The following MOB3B variants were observed in gnomAD, a reference collection of about 807,000 sequenced individuals.
MOB3B encodes MOB kinase activator-like 2B.
In MOB3B, 7 loss-of-function variants were observed where a neutral mutation model predicts 18.7. The ratio of observed to expected loss-of-function variants is 0.37; its 90% CI spans 0.21 to 0.70. The LOEUF is 0.70. MOB3B is among the 30% of genes least tolerant of loss of function. MOB3B has a pLI of 0.52. For synonymous variants in MOB3B, 111 were observed against 99.9 expected (o/e 1.11, Z -0.66); for missense variants, 253 against 281.3 (o/e 0.90, Z 0.72).
At chr9:27,405,887 T>C (rs977650805) in intron 2 of MOB3B, among the ~76,000 whole-genome samples, 2 of 152,180 alleles carry the variant, frequency 1.3e-5, no homozygotes, top group Admixed American at 1.3e-4. Flanking sequence ...TGATTCATGA[T>C]AAAAACTCTC....
chr9:27,342,856 TGCCGAGATTGCA>T (rs1820970027), intron 3 of MOB3B, among the ~76,000 whole-genome samples: 1 of 151,250 alleles, frequency 6.6e-6, no homozygotes, highest in African/African-American at 2.4e-5. Context: ...CCTCCCAAAG[TGCCGAGATTGCA>T]GCCTCTGCCC....
chr9:27,353,948 A>T (rs1225581172), intron 3 of MOB3B, among the ~76,000 whole-genome samples: 1 of 152,230 alleles, frequency 6.6e-6, no homozygotes, highest in Non-Finnish European at 1.5e-5. Flanking sequence ...GTTTCCTCCA[A>T]CAAGGAACTT....
In MOB3B at chr9:27,330,420, G is replaced by A. The variant is rs1282912146; in HGVS notation, c.*167C>T. On this transcript the variant is annotated 3_prime_UTR_variant, in exon 4 of 4. Coordinates refer to ENST00000262244, the MANE Select transcript of MOB3B (RefSeq NM_024761.5). Reference sequence around the variant, plus strand: ...GGGCTAGCAGCACTCAGAAGGTTAAGAGCACACAAAGTGAGTGGGGAATGT... The same window carrying A: ...GGGCTAGCAGCACTCAGAAGGTTAAAAGCACACAAAGTGAGTGGGGAATGT... 2 of 822,298 alleles carry A rather than the reference G, an allele frequency of 2.4e-6. No homozygotes were observed. Among genetic ancestry groups the A allele is most frequent in the Non-Finnish European group, 3.8e-6 (2 of 528,888 alleles). The allele number at this position is 822,298 out of a possible 1,614,324, so 50.9% of individuals were successfully genotyped here. A position where few individuals can be genotyped will look rare whatever the true frequency, so the allele number is the denominator to read the frequency against.
intron 1 of MOB3B, among the ~76,000 whole-genome samples, chr9:27,474,758 T>C (rs541111156): frequency 6.6e-6 from 1 of 152,348 alleles, no homozygotes; most frequent in Admixed American, 6.5e-5. Flanking sequence ...AAACAAACTT[T>C]GAAATCTAGA....
At chr9:27,378,974 T>TCAGG (rs1006936493) in intron 2 of MOB3B, among the ~76,000 whole-genome samples, 21 of 152,322 alleles carry the variant, frequency 1.4e-4, no homozygotes, top group African/African-American at 4.8e-4. Context: ...TTCTGCCTCC[T>TCAGG]CAGGGTCAGA....
At chr9:27,386,692 G>A (rs79875501) in intron 2 of MOB3B, among the ~76,000 whole-genome samples, 116 of 152,334 alleles carry the variant, frequency 7.6e-4, no homozygotes, top group African/African-American at 2.8e-3. Flanking sequence ...GTCTGCCTGA[G>A]TTCCACTGAT....
In MOB3B at chr9:27,329,596, G is replaced by A. The variant is rs1457030680; in HGVS notation, c.*991C>T. 6.6e-6 allele frequency: 1 copy of A among 152,326 alleles called. No homozygotes were observed. Among genetic ancestry groups the A allele is most frequent in the South Asian group, 2.1e-4 (1 of 4,814 alleles). 9.4% of individuals were successfully genotyped at this position (152,326 alleles called of 1,614,324 possible). On this transcript the variant is annotated 3_prime_UTR_variant, in exon 4 of 4. Transcript: ENST00000262244. ...AGGGTTACAAGTCAGCCGTCTGGGTGTTAAATCTACACGTACCAAATAACC... is the reference window on the plus strand; with the variant it reads ...AGGGTTACAAGTCAGCCGTCTGGGTATTAAATCTACACGTACCAAATAACC...
intron 2 of MOB3B, among the ~76,000 whole-genome samples, chr9:27,414,321 G>A (rs1822115370): frequency 6.6e-6 from 1 of 152,178 alleles, no homozygotes; most frequent in African/African-American, 2.4e-5. Flanking sequence ...AGAACCATCT[G>A]TCTAAAGCCA....
chr9:27,390,190 C>T (rs184751324), intron 2 of MOB3B, among the ~76,000 whole-genome samples: 11 of 152,128 alleles, frequency 7.2e-5, no homozygotes, highest in Admixed American at 4.6e-4. Flanking sequence ...CAAGTTCAAG[C>T]GTTTCTCTTG....
At chr9:27,477,024 G>A (rs1397655910) in intron 1 of MOB3B, among the ~76,000 whole-genome samples, 1 of 152,140 alleles carries the variant, frequency 6.6e-6, no homozygotes, top group Non-Finnish European at 1.5e-5. Context: ...GGTCAGACCT[G>A]CATCACAATC....
chr9:27,467,711 T>G (rs1819408348), intron 1 of MOB3B, among the ~76,000 whole-genome samples: 1 of 152,244 alleles, frequency 6.6e-6, no homozygotes, highest in Non-Finnish European at 1.5e-5. Context: ...CAGCCTGACC[T>G]TTTTTCCTCC....
chr9:27,331,771 T>C (rs1820793812), intron 3 of MOB3B, among the ~76,000 whole-genome samples: 2 of 152,190 alleles, frequency 1.3e-5, no homozygotes, highest in Non-Finnish European at 2.9e-5. Flanking sequence ...CTGCAGCTAC[T>C]ACATCTCTTG....
intron 2 of MOB3B, among the ~76,000 whole-genome samples, chr9:27,365,906 G>A (rs958111165): frequency 1.3e-5 from 2 of 152,226 alleles, no homozygotes; most frequent in African/African-American, 2.4e-5. Context: ...TCAAGTTTTG[G>A]AGTGCGCCGA....
rs1007568235 is a variant in MOB3B, at chr9:27,328,211, G to C, written c.*2376C>G. On this transcript the variant is annotated 3_prime_UTR_variant, in exon 4 of 4. Coordinates refer to ENST00000262244, the MANE Select transcript of MOB3B (RefSeq NM_024761.5). ...TAAAATGAAAGCAGAAAAAGAAGGA[G>C]AGTAGGACAGGTTAGGAAGAAGAAG... 1.3e-5 allele frequency: 2 copies of C among 152,148 alleles called. No homozygotes were observed. Among genetic ancestry groups the C allele is most frequent in the East Asian group, 3.8e-4 (2 of 5,196 alleles). The allele number at this position is 152,148 out of a possible 1,614,324, so 9.4% of individuals were successfully genotyped here.
At position 27,524,667 on chromosome 9, in the gene MOB3B, C is replaced by T. The variant is rs770418502; in HGVS notation, c.-199+4888G>A. ...CTTCAAATATTGGAAAGAGAGACAC[C>T]TCAAACAAATCCAAATAGGACTTGA... On this transcript the variant is annotated intron_variant, in intron 1 of 3. Transcript: ENST00000262244. 72 of 1,613,908 alleles carry T rather than the reference C, an allele frequency of 4.5e-5. 1 individual carries two copies. The South Asian group carries it at 7.4e-4, about 16-fold the overall frequency.
intron 2 of MOB3B, among the ~76,000 whole-genome samples, chr9:27,412,244 C>A (rs1369425243): frequency 6.6e-6 from 1 of 150,890 alleles, no homozygotes; most frequent in African/African-American, 2.4e-5. Flanking sequence ...TACCCCCATT[C>A]AGGGATAACT....
At chr9:27,365,416 C>T (rs965277429) in intron 2 of MOB3B, among the ~76,000 whole-genome samples, 4 of 131,174 alleles carry the variant, frequency 3.0e-5, no homozygotes, top group Admixed American at 1.7e-4. Flanking sequence ...AGTCACTGTA[C>T]TCAGAAAGTT....
At chr9:27,482,976 A>G (rs1402788718) in intron 1 of MOB3B, among the ~76,000 whole-genome samples, 1 of 151,994 alleles carries the variant, frequency 6.6e-6, no homozygotes, top group Non-Finnish European at 1.5e-5. Context: ...TATCCACTGG[A>G]AAACATAGCT....
In MOB3B at chr9:27,357,888, C is replaced by CAAAAA. The variant is rs58851638; in HGVS notation, c.621+1141_621+1145dup. 2.1e-3 allele frequency among the ~76,000 whole-genome samples: 124 copies of CAAAAA among 57,946 alleles called. 5 individuals are homozygous for CAAAAA. Among genetic ancestry groups the CAAAAA allele is most frequent in the African/African-American group, 4.1e-3 (66 of 16,136 alleles). The allele number at this position is 57,946 out of a possible 152,430, so 38.0% of individuals were successfully genotyped here. On this transcript the variant is annotated intron_variant, in intron 3 of 3. Transcript: ENST00000262244. ...TCAACATAATGAGATCCCATCGCTA[C>CAAAAA]AAAAAAAAAAAAAAAAAAAAAAAAA...
Sources: allele counts gnomAD v4.1 joint callset (sites outside exome capture counted in the v4.1 genomes callset), GRCh38; gene constraint gnomAD v4.1.1; transcripts MANE v1.5; gene names NCBI Gene and HGNC (gene_info 2026-07-23, HGNC 2026-07-21).